Variants in RABGAP1L observed in about 807,000 individuals in gnomAD.
RABGAP1L encodes rab GTPase-activating protein 1-like.
Under a neutral mutation model 137.7 loss-of-function variants are expected in RABGAP1L, and 63 were observed. The observed-to-expected ratio is 0.46, with a 90% CI of 0.37 to 0.56. The LOEUF is 0.56. Among genes scored for constraint, RABGAP1L ranks in the 20% least tolerant of loss-of-function variants. RABGAP1L has a pLI of 0.00. For missense variants in RABGAP1L, 1,095 were observed against 1,244.0 expected, an observed-to-expected ratio of 0.88 and a Z score of 1.80; for synonymous variants, 431 against 433.7, an observed-to-expected ratio of 0.99 and a Z score of 0.08.
intron 1 of RABGAP1L, among the ~76,000 whole-genome samples, chr1:174,162,741 G>C (rs376546608): frequency 2.8e-5 from 4 of 141,210 alleles, no homozygotes; most frequent in African/African-American, 1.1e-4. Flanking sequence ...GCTATTCCAG[G>C]TGCTGGTATT....
At chr1:174,553,309 A>G (rs578000227) in intron 13 of RABGAP1L, among the ~76,000 whole-genome samples, 28 of 152,320 alleles carry the variant, frequency 1.8e-4, no homozygotes, top group African/African-American at 6.7e-4. Flanking sequence ...ACCTGTGCCT[A>G]CACCGCAAAT....
intron 13 of RABGAP1L, among the ~76,000 whole-genome samples, chr1:174,603,332 C>T (rs1670552708): frequency 6.6e-6 from 1 of 152,146 alleles, no homozygotes; most frequent in African/African-American, 2.4e-5. Flanking sequence ...CCATCCTGAG[C>T]TGCCTGGTAT....
Position 174,790,209 on chromosome 1 carries a change from CA to C in RABGAP1L, c.2212-21611del, listed in dbSNP as rs112964112. Among the ~76,000 whole-genome samples, 515 of 124,556 alleles carry C rather than the reference CA, an allele frequency of 4.1e-3. 3 individuals carry two copies. Among genetic ancestry groups the C allele is most frequent in the African/African-American group, 0.011 (356 of 33,370 alleles). The allele number at this position is 124,556 out of a possible 152,430, so 81.7% of individuals were successfully genotyped here. The stretch of plus-strand genomic sequence containing the variant: ...TGGGAGACAGAGCAAGACTTTGTCT[CA>C]AAAAAAAAAAAGAGAATACGTAACA... On this transcript the variant is annotated intron_variant, in intron 18 of 25. Coordinates refer to ENST00000681986, the MANE Select transcript of RABGAP1L (RefSeq NM_001366446.1).
intron 15 of RABGAP1L, among the ~76,000 whole-genome samples, chr1:174,684,104 A>T (rs1678288330): frequency 6.6e-6 from 1 of 152,194 alleles, no homozygotes; most frequent in South Asian, 2.1e-4. Context: ...TGGGGCACAG[A>T]TAATGTAGGC....
At chr1:174,350,110 G>T (rs537441446) in intron 11 of RABGAP1L, among the ~76,000 whole-genome samples, 4 of 134,402 alleles carry the variant, frequency 3.0e-5, no homozygotes. Flanking sequence ...CCTCCCTCCC[G>T]GACGGCACGG....
intron 13 of RABGAP1L, among the ~76,000 whole-genome samples, chr1:174,589,707 T>C (rs555052882): frequency 6.6e-6 from 1 of 152,332 alleles, no homozygotes; most frequent in East Asian, 1.9e-4. Context: ...CACCATTTAT[T>C]GAAGAGACTC....
chr1:174,638,674 G>C (rs1292118706), intron 14 of RABGAP1L, among the ~76,000 whole-genome samples: 1 of 142,584 alleles, frequency 7.0e-6, no homozygotes, highest in Non-Finnish European at 1.5e-5. Context: ...AAGAAAATGT[G>C]GCACATATAC....
intron 10 of RABGAP1L, among the ~76,000 whole-genome samples, chr1:174,285,499 T>C (rs1009749923): frequency 2.0e-5 from 3 of 151,894 alleles, no homozygotes; most frequent in African/African-American, 7.3e-5. Context: ...ACCCTGTAAC[T>C]TTACTGAATT....
chr1:174,610,657 T>G (rs1671152616), intron 13 of RABGAP1L, among the ~76,000 whole-genome samples: 1 of 152,174 alleles, frequency 6.6e-6, no homozygotes, highest in Non-Finnish European at 1.5e-5. Flanking sequence ...TTGAACTAGA[T>G]TACAGTCCCA....
intron 18 of RABGAP1L, among the ~76,000 whole-genome samples, chr1:174,768,797 C>T (rs1159409332): frequency 6.6e-6 from 1 of 152,240 alleles, no homozygotes; most frequent in Non-Finnish European, 1.5e-5. Context: ...TGCTCAAAAA[C>T]TTGCCTTAAT....
chr1:174,464,469 C>T (rs1231894493), intron 13 of RABGAP1L, among the ~76,000 whole-genome samples: 1 of 152,132 alleles, frequency 6.6e-6, no homozygotes, highest in Non-Finnish European at 1.5e-5. Context: ...CCTTCTTATT[C>T]TGGGGTTTTC....
intron 18 of RABGAP1L, among the ~76,000 whole-genome samples, chr1:174,769,286 C>T (rs953188524): frequency 4.6e-5 from 7 of 151,926 alleles, no homozygotes; most frequent in Middle Eastern, 3.4e-3. Context: ...GTGTGGAAAA[C>T]GGTCATCTTG....
At chr1:174,395,363 A>G (rs1030795061) in intron 13 of RABGAP1L, among the ~76,000 whole-genome samples, 5 of 152,126 alleles carry the variant, frequency 3.3e-5, no homozygotes, top group African/African-American at 9.7e-5. Flanking sequence ...AAAGATTACT[A>G]TCACAGGATG....
At chr1:174,401,569 T>G (rs1407790871) in intron 13 of RABGAP1L, among the ~76,000 whole-genome samples, 1 of 152,194 alleles carries the variant, frequency 6.6e-6, no homozygotes, top group Non-Finnish European at 1.5e-5. Context: ...GACATTCATC[T>G]GAGAAATGGG....
chr1:174,350,196 C>A (rs1682999303), intron 11 of RABGAP1L, among the ~76,000 whole-genome samples: 1 of 143,302 alleles, frequency 7.0e-6, no homozygotes, highest in Non-Finnish European at 1.6e-5. Context: ...CTGACCCCCC[C>A]CCCACCTCCC....
At chr1:174,380,985 G>T (rs376466190) in intron 12 of RABGAP1L, among the ~76,000 whole-genome samples, 156 of 110,098 alleles carry the variant, frequency 1.4e-3, no homozygotes, top group African/African-American at 4.0e-3. Flanking sequence ...TCTGGTATGT[G>T]GTGTCTTTGT....
intron 19 of RABGAP1L, chr1:174,935,598 G>T (rs1180438407): frequency 6.6e-6 from 1 of 152,064 alleles, no homozygotes; most frequent in Non-Finnish European, 1.5e-5. Context: ...CAACATTTTT[G>T]TGGGATTACC....
chr1:174,274,187 TTTACTC>T (rs1674778682), intron 8 of RABGAP1L, among the ~76,000 whole-genome samples: 1 of 152,122 alleles, frequency 6.6e-6, no homozygotes, highest in Non-Finnish European at 1.5e-5. Flanking sequence ...TATTAATACT[TTTACTC>T]CTTCTATGAC....
At chr1:174,770,626 C>T (rs1172100386) in intron 18 of RABGAP1L, among the ~76,000 whole-genome samples, 2 of 152,210 alleles carry the variant, frequency 1.3e-5, no homozygotes, top group Non-Finnish European at 2.9e-5. Flanking sequence ...CCAGTTTCCT[C>T]CTTGTTCTAT....
Sources: gnomAD v4.1 joint callset for allele counts (sites outside exome capture counted in the v4.1 genomes callset) on GRCh38, gnomAD v4.1.1 for gene constraint, MANE v1.5 for transcripts, NCBI Gene and HGNC (gene_info 2026-07-23, HGNC 2026-07-21) for gene names.